The following LRRTM4 variants were observed in gnomAD, a reference collection of about 807,000 sequenced individuals.
The protein encoded by LRRTM4 is leucine rich repeat transmembrane neuronal 4.
In LRRTM4, 25 loss-of-function variants were observed where a neutral mutation model predicts 47.6. The ratio of observed to expected loss-of-function variants is 0.53; its 90% CI spans 0.38 to 0.73. LRRTM4 has a LOEUF of 0.73. Among genes scored for constraint, LRRTM4 ranks in the 30% least tolerant of loss-of-function variants. LRRTM4 has a pLI of 0.00. For missense variants in LRRTM4, 638 were observed against 713.4 expected (o/e 0.89, Z 1.20); for synonymous variants, 311 against 269.5 (o/e 1.15, Z -1.51).
intron 3 of LRRTM4, among the ~76,000 whole-genome samples, chr2:77,006,804 GC>G (rs1364190154): frequency 1.3e-5 from 2 of 152,182 alleles, no homozygotes; most frequent in African/African-American, 4.8e-5. Context: ...GGCAAGACCA[GC>G]TAAGCTTCAG....
chr2:77,128,414 A>ATAGT (rs1470883415), intron 3 of LRRTM4, among the ~76,000 whole-genome samples: 1 of 152,082 alleles, frequency 6.6e-6, no homozygotes, highest in African/African-American at 2.4e-5. Context: ...AGATAGATAG[A>ATAGT]TAGATAGAGA....
intron 3 of LRRTM4, among the ~76,000 whole-genome samples, chr2:77,362,170 A>AAAGAAAGAAAGAAAGGAAGGAAGGAAGG (rs1282143102): frequency 7.5e-4 from 100 of 133,518 alleles, no homozygotes; most frequent in African/African-American, 1.7e-3. Flanking sequence ...AGAAAGAAAG[A>AAAGAAAGAAAGAAAGGAAGGAAGGAAGG]AAGGAAGGAA....
rs141099589 is a variant in LRRTM4, at chr2:77,269,306, G to A, written c.1551+249012C>T. On this transcript the variant is annotated intron_variant, in intron 3 of 3. Transcript: ENST00000409884. ...TACGTAGATATTACACAATAGGAGGGCCTGGAGCTGGTTAGATTGACTCAT... is the reference window on the plus strand; with the variant it reads ...TACGTAGATATTACACAATAGGAGGACCTGGAGCTGGTTAGATTGACTCAT... Among the ~76,000 whole-genome samples the A allele has an allele frequency of 9.3e-3, 1,420 of 152,052 alleles. 29 individuals are homozygous for A. The highest frequency in any genetic ancestry group is 0.033 in the African/African-American group (1,348 of 41,456).
intron 3 of LRRTM4, among the ~76,000 whole-genome samples, chr2:77,176,209 G>A (rs1212475869): frequency 6.6e-6 from 1 of 152,132 alleles, no homozygotes; most frequent in African/African-American, 2.4e-5. Flanking sequence ...TATAAAGTCA[G>A]CAATCAGGTT....
At chr2:76,841,929 C>T (rs941688164) in intron 3 of LRRTM4, among the ~76,000 whole-genome samples, 3 of 152,082 alleles carry the variant, frequency 2.0e-5, no homozygotes, top group African/African-American at 2.4e-5. Flanking sequence ...CTCACACATG[C>T]GCTGCTCATA....
At chr2:77,465,329 A>G (rs764169370) in intron 3 of LRRTM4, among the ~76,000 whole-genome samples, 7 of 152,166 alleles carry the variant, frequency 4.6e-5, no homozygotes, top group Non-Finnish European at 1.0e-4. Flanking sequence ...CATTCACAAA[A>G]CGAACATAAT....
chr2:76,887,608 A>T (rs1465895324), intron 3 of LRRTM4, among the ~76,000 whole-genome samples: 1 of 150,248 alleles, frequency 6.7e-6, no homozygotes, highest in Admixed American at 6.6e-5. Flanking sequence ...ATACACACAT[A>T]TATGATATAT....
intron 3 of LRRTM4, among the ~76,000 whole-genome samples, chr2:76,759,170 T>C (rs1673165025): frequency 1.3e-5 from 2 of 152,096 alleles, no homozygotes; most frequent in Non-Finnish European, 2.9e-5. Flanking sequence ...AAGGAGTTTA[T>C]TAAGAACTGA....
chr2:76,754,647 A>C (rs901276414), intron 3 of LRRTM4, among the ~76,000 whole-genome samples: 1 of 152,326 alleles, frequency 6.6e-6, no homozygotes, highest in African/African-American at 2.4e-5. Context: ...GGTAGATTAC[A>C]TTATGGCTAC....
chr2:76,964,394 C>A (rs1414977962), intron 3 of LRRTM4, among the ~76,000 whole-genome samples: 1 of 150,922 alleles, frequency 6.6e-6, no homozygotes, highest in East Asian at 2.0e-4. Flanking sequence ...TTCAGGTCTA[C>A]CATACAGAGT....
At chr2:77,404,882 T>A (rs1018824624) in intron 3 of LRRTM4, among the ~76,000 whole-genome samples, 4 of 152,066 alleles carry the variant, frequency 2.6e-5, no homozygotes, top group South Asian at 2.1e-4. Flanking sequence ...AAAGTTTTTT[T>A]AAAAAATAGC....
chr2:77,144,829 GAAC>G (rs1672213164), intron 3 of LRRTM4, among the ~76,000 whole-genome samples: 1 of 152,064 alleles, frequency 6.6e-6, no homozygotes, highest in Non-Finnish European at 1.5e-5. Context: ...AGACACCTCT[GAAC>G]AACAAGAGCA....
intron 3 of LRRTM4, among the ~76,000 whole-genome samples, chr2:77,297,204 A>C (rs1439238377): frequency 3.3e-5 from 5 of 152,112 alleles, no homozygotes; most frequent in Non-Finnish European, 7.4e-5. Context: ...AGCATTTTAG[A>C]AGCCACAAGG....
At chr2:76,786,842 T>C (rs1263714929) in intron 3 of LRRTM4, among the ~76,000 whole-genome samples, 1 of 147,866 alleles carries the variant, frequency 6.8e-6, no homozygotes, top group Non-Finnish European at 1.5e-5. Context: ...TCATATTGCT[T>C]TCCTTGCTGT....
At chr2:76,805,991 C>A (rs917488548) in intron 3 of LRRTM4, among the ~76,000 whole-genome samples, 4 of 152,144 alleles carry the variant, frequency 2.6e-5, no homozygotes, top group African/African-American at 9.7e-5. Flanking sequence ...GCTTACAGTT[C>A]CAGGGGTTGG....
At chr2:76,809,584 G>C (rs188882347) in intron 3 of LRRTM4, among the ~76,000 whole-genome samples, 1 of 152,088 alleles carries the variant, frequency 6.6e-6, no homozygotes, top group Non-Finnish European at 1.5e-5. Context: ...TTGTCTATGA[G>C]AGCAATTTCT....
At chr2:77,317,276 G>T (rs1677645996) in intron 3 of LRRTM4, among the ~76,000 whole-genome samples, 1 of 151,954 alleles carries the variant, frequency 6.6e-6, no homozygotes, top group African/African-American at 2.4e-5. Context: ...TATAAATAAT[G>T]GACAAATAAT....
At chr2:76,863,638 CCCTTT>C (rs1423170723) in intron 3 of LRRTM4, among the ~76,000 whole-genome samples, 24 of 152,148 alleles carry the variant, frequency 1.6e-4, no homozygotes, top group African/African-American at 5.5e-4. Context: ...TTTTATTCTC[CCCTTT>C]CCTTGTCTAA....
intron 3 of LRRTM4, among the ~76,000 whole-genome samples, chr2:77,078,673 T>C (rs1266332073): frequency 6.6e-6 from 1 of 152,168 alleles, no homozygotes; most frequent in Non-Finnish European, 1.5e-5. Flanking sequence ...CTGATACACA[T>C]ATAGTTTAGT....
Sources: allele counts gnomAD v4.1 joint callset (sites outside exome capture counted in the v4.1 genomes callset), GRCh38; gene constraint gnomAD v4.1.1; transcripts MANE v1.5; gene names NCBI Gene and HGNC (gene_info 2026-07-23, HGNC 2026-07-21).